NME8: variants seen among roughly 807,000 people sequenced by gnomAD.
The protein encoded by NME8 is protein NME8.
In NME8, 72 loss-of-function variants were observed where a neutral mutation model predicts 82.3. That is an observed-to-expected ratio of 0.87 (90% CI 0.72 to 1.06). The LOEUF (loss-of-function observed/expected upper bound fraction) is 1.06, where lower values mean the gene tolerates loss of function less well. Among genes scored for constraint, NME8 ranks in the 50% least tolerant of loss-of-function variants. The pLI, the probability that NME8 is intolerant of heterozygous loss-of-function variation, is 0.00. For synonymous variants in NME8, 267 were observed against 228.5 expected, an observed-to-expected ratio of 1.17 and a Z score of -1.52; for missense variants, 712 against 685.4, an observed-to-expected ratio of 1.04 and a Z score of -0.43.
chr7:37,850,754 T>TTAAACCACTGTTTTCA lies in NME8; in HGVS notation c.198+20_198+35dup. 1 of 1,483,040 alleles carries TTAAACCACTGTTTTCA rather than the reference T, an allele frequency of 6.7e-7. No homozygotes were observed. Among genetic ancestry groups the TTAAACCACTGTTTTCA allele is most frequent in the Non-Finnish European group, 9.4e-7 (1 of 1,061,460 alleles). The allele number at this position is 1,483,040 out of a possible 1,614,324, so 91.9% of individuals were successfully genotyped here. A position where few individuals can be genotyped will look rare whatever the true frequency, so the allele number is the denominator to read the frequency against. On this transcript the variant is annotated intron_variant, in intron 5 of 17. Coordinates refer to ENST00000199447, the MANE Select transcript of NME8 (RefSeq NM_016616.5). The stretch of plus-strand genomic sequence containing the variant: ...TGCTGTCGTAAGAATTTTGTTTTCA[T>TTAAACCACTGTTTTCA]TAAACCACTGTTTTCACATTATATT...
At chr7:37,877,665 C>T (rs930422825) in intron 12 of NME8, among the ~76,000 whole-genome samples, 2 of 152,162 alleles carry the variant, frequency 1.3e-5, no homozygotes, top group Non-Finnish European at 2.9e-5. Flanking sequence ...ATTTCTCAAC[C>T]TCAGACCGGC....
chr7:37,890,553 T>C (rs1785114286), intron 15 of NME8, among the ~76,000 whole-genome samples: 1 of 152,038 alleles, frequency 6.6e-6, no homozygotes, highest in South Asian at 2.1e-4. Flanking sequence ...ACCCATAGAC[T>C]TATCTCTCCC....
chr7:37,882,597 A>AAGAAAGAAAGAAAGAGAG lies in NME8; in HGVS notation c.995-1703_995-1702insAAGAAAGAAAGAGAGAGA, dbSNP rs1554365622. On this transcript the variant is annotated intron_variant, in intron 12 of 17. Transcript: ENST00000199447. ...AAAGAAAGAAAGAAAGAAAGAAAGA[A>AAGAAAGAAAGAAAGAGAG]AGAGAGAGAGAGAGAGAGAAAGAAA... Among the ~76,000 whole-genome samples the AAGAAAGAAAGAAAGAGAG allele has an allele frequency of 6.9e-4, 57 of 83,046 alleles. 1 individual carries two copies. Among genetic ancestry groups the AAGAAAGAAAGAAAGAGAG allele is most frequent in the East Asian group, 1.4e-3 (4 of 2,866 alleles). 54.5% of individuals were successfully genotyped at this position (83,046 alleles called of 152,430 possible).
chr7:37,881,441 T>C (rs1471104655), intron 12 of NME8, among the ~76,000 whole-genome samples: 2 of 152,186 alleles, frequency 1.3e-5, no homozygotes, highest in Non-Finnish European at 2.9e-5. Context: ...TTTATCCTAT[T>C]AGTGGCGATT....
rs1785243670 is a variant in NME8, at chr7:37,897,224, T to A, written c.*15+117T>A. 5.7e-6 allele frequency: 4 copies of A among 697,618 alleles called. No individual in the cohort carries two copies. The South Asian group carries it at 7.0e-5, about 12-fold the overall frequency. 43.2% of individuals were successfully genotyped at this position (697,618 alleles called of 1,614,324 possible). A position where few individuals can be genotyped will look rare whatever the true frequency, so the allele number is the denominator to read the frequency against. The stretch of plus-strand genomic sequence containing the variant: ...CCTAAATTCCTGAATCAAGCTTTAT[T>A]TCCTGTGAGACACACTGTTCTATTG... On this transcript the variant is annotated intron_variant, in intron 17 of 17. Coordinates refer to ENST00000199447, the MANE Select transcript of NME8 (RefSeq NM_016616.5).
At chr7:37,868,950 G>A (rs1037611258) in intron 11 of NME8, among the ~76,000 whole-genome samples, 3 of 152,180 alleles carry the variant, frequency 2.0e-5, no homozygotes, top group Non-Finnish European at 4.4e-5. Context: ...AGAATGGAGA[G>A]TGTAACAAAG....
intron 7 of NME8, among the ~76,000 whole-genome samples, chr7:37,862,924 A>C (rs1784619034): frequency 6.6e-6 from 1 of 152,112 alleles, no homozygotes; most frequent in Non-Finnish European, 1.5e-5. Context: ...GATGGAGACC[A>C]GCCTGGCCAA....
At position 37,884,303 on chromosome 7, in the gene NME8, A is replaced by T. The variant is rs764183917; in HGVS notation, c.995A>T (p.Asp332Val). 3.2e-6 allele frequency: 5 copies of T among 1,564,760 alleles called. No individual in the cohort carries two copies. Among genetic ancestry groups the T allele is most frequent in the East Asian group, 2.2e-5 (1 of 44,586 alleles). ...TTATTATGTAACTGTTTTTATTTAG[A>T]TGATGTTTTGCGTATTATTAAAGAT... is the stretch of plus-strand genomic sequence containing the variant. The part of the protein sequence containing the change: ...LRPNLFHERK[D>V]DVLRIIKDED... The change falls in exon 13 of 18, where the codon GAT (aspartate) becomes GTT (valine). Residue 332 changes from aspartate to valine, a missense_variant and splice_region_variant. Coordinates refer to ENST00000199447, the MANE Select transcript of NME8 (RefSeq NM_016616.5).
chr7:37,874,427 A>G (rs1469097911), intron 11 of NME8, among the ~76,000 whole-genome samples: 1 of 152,194 alleles, frequency 6.6e-6, no homozygotes, highest in Non-Finnish European at 1.5e-5. Context: ...GCATAAATGG[A>G]GTATTAAAGT....
rs1459784824 is a variant in NME8 at position 37,862,949 on chromosome 7, G to A, written c.388-447G>A. 4.0e-5 allele frequency among the ~76,000 whole-genome samples: 6 copies of A among 151,846 alleles called. No homozygotes were observed. The East Asian group carries it at 9.7e-4, about 25-fold the overall frequency. On this transcript the variant is annotated intron_variant, in intron 7 of 17. Transcript: ENST00000199447. The stretch of plus-strand genomic sequence containing the variant: ...AGCCTGGCCAACATGGTGAAACACC[G>A]TCTCTACTAAAAATACAAAAATTAG...
intron 12 of NME8, among the ~76,000 whole-genome samples, chr7:37,878,002 A>G (rs2598020): frequency 0.47 from 71,544 of 152,028 alleles, 17,223 homozygotes; most frequent in East Asian, 0.74. Context: ...TAGCTAGCAC[A>G]TCCTGTATGA....
At chr7:37,862,881 A>G (rs1784617988) in intron 7 of NME8, among the ~76,000 whole-genome samples, 1 of 152,124 alleles carries the variant, frequency 6.6e-6, no homozygotes, top group African/African-American at 2.4e-5. Context: ...GCACTTCGGG[A>G]GGCCAAGGAG....
At chr7:37,885,601 T>C (rs1282860941) in intron 14 of NME8, among the ~76,000 whole-genome samples, 1 of 152,224 alleles carries the variant, frequency 6.6e-6, no homozygotes, top group African/African-American at 2.4e-5. Context: ...CTTCTTTAAC[T>C]GATCATGAGT....
chr7:37,862,296 T>C, intron 7 of NME8, 152 bp downstream of exon 7: 1 of 679,432 alleles, frequency 1.5e-6, no homozygotes, highest in Non-Finnish European at 2.7e-6. Flanking sequence ...TATTTGATGT[T>C]ATCCTAAGTT....
chr7:37,882,573 AAG>A (rs1411412701), intron 12 of NME8, among the ~76,000 whole-genome samples: 2 of 40,902 alleles, frequency 4.9e-5, no homozygotes, highest in Non-Finnish European at 1.0e-4. Context: ...GAAAGAAAGA[AAG>A]AAAGAAAGAA....
chr7:37,894,697 A>C, intron 16 of NME8, 87 bp downstream of exon 16: 1 of 1,241,696 alleles, frequency 8.1e-7, no homozygotes, highest in Non-Finnish European at 1.1e-6. Context: ...ATTAATTAAA[A>C]CATTTCATCT....
intron 6 of NME8, among the ~76,000 whole-genome samples, chr7:37,860,877 T>A (rs1784589104): frequency 6.6e-6 from 1 of 152,224 alleles, no homozygotes; most frequent in African/African-American, 2.4e-5. Flanking sequence ...TTATCCAGTT[T>A]TCAAGTGAGA....
rs535762808 is a variant in NME8, at chr7:37,881,977, G to A, written c.995-2326G>A. Among the ~76,000 whole-genome samples, 105 of 152,198 alleles carry A rather than the reference G, an allele frequency of 6.9e-4. 1 individual carries two copies. The highest frequency in any genetic ancestry group is 1.1e-3 in the Non-Finnish European group (77 of 68,024). Reference sequence around the variant, plus strand: ...TTGTATTGCAGAGAAAAAGTCTGCTGTCAGCTTGGTTTTTGTTCCTTTGTA... The same window carrying A: ...TTGTATTGCAGAGAAAAAGTCTGCTATCAGCTTGGTTTTTGTTCCTTTGTA... On this transcript the variant is annotated intron_variant, in intron 12 of 17. Coordinates refer to ENST00000199447, the MANE Select transcript of NME8 (RefSeq NM_016616.5).
intron 10 of NME8, among the ~76,000 whole-genome samples, chr7:37,866,431 C>T (rs1784683558): frequency 6.6e-6 from 1 of 152,126 alleles, no homozygotes; most frequent in Admixed American, 6.6e-5. Flanking sequence ...AAGGGTTATG[C>T]CAACTGTATT....
Sources: allele counts gnomAD v4.1 joint callset (sites outside exome capture counted in the v4.1 genomes callset), GRCh38; gene constraint gnomAD v4.1.1; transcripts MANE v1.5; gene names NCBI Gene and HGNC (gene_info 2026-07-23, HGNC 2026-07-21).